The following CSRNP3 variants were observed in gnomAD, a reference collection of about 807,000 sequenced individuals.
The protein encoded by CSRNP3 is cysteine/serine-rich nuclear protein 3.
CSRNP3 carries 12 observed loss-of-function variants against 48.0 expected under a neutral mutation model. That is an observed-to-expected ratio of 0.25 (90% CI 0.16 to 0.41). The LOEUF (loss-of-function observed/expected upper bound fraction) is 0.41. Ranked by LOEUF, CSRNP3 falls within the 10% of genes least tolerant of loss-of-function variation. The pLI is 1.00. For missense variants in CSRNP3, 580 were observed against 724.4 expected, an observed-to-expected ratio of 0.80 and a Z score of 2.29; for synonymous variants, 263 against 269.7, an observed-to-expected ratio of 0.98 and a Z score of 0.24.
At chr2:165,521,173 C>A (rs1265253469) in intron 3 of CSRNP3, among the ~76,000 whole-genome samples, 40 of 135,594 alleles carry the variant, frequency 2.9e-4, no homozygotes, top group African/African-American at 3.5e-4. Flanking sequence ...ATGGGAAAGC[C>A]AAAAAAAAAA....
At chr2:165,534,738 A>G (rs1684860044) in intron 3 of CSRNP3, among the ~76,000 whole-genome samples, 1 of 151,822 alleles carries the variant, frequency 6.6e-6, no homozygotes, top group South Asian at 2.1e-4. Context: ...GTGAAAAAAG[A>G]AAGTGGTGAA....
intron 4 of CSRNP3, among the ~76,000 whole-genome samples, chr2:165,597,157 A>C (rs1252487720): frequency 6.6e-6 from 1 of 152,190 alleles, no homozygotes; most frequent in Admixed American, 6.5e-5. Flanking sequence ...AGGAAGACTT[A>C]ATTAGTGAAG....
intron 5 of CSRNP3, among the ~76,000 whole-genome samples, chr2:165,675,302 A>G (rs1024531631): frequency 6.6e-6 from 1 of 152,142 alleles, no homozygotes; most frequent in Non-Finnish European, 1.5e-5. Context: ...GAAGTGATAA[A>G]TTTAAATATG....
intron 3 of CSRNP3, among the ~76,000 whole-genome samples, chr2:165,586,422 A>T (rs1175723787): frequency 6.6e-6 from 1 of 152,246 alleles, no homozygotes; most frequent in African/African-American, 2.4e-5. Context: ...CAGATTAACA[A>T]AAAACAACAA....
chr2:165,609,465 GAAAAA>G (rs34249194), intron 4 of CSRNP3, among the ~76,000 whole-genome samples: 14,616 of 97,756 alleles, frequency 0.15, 732 homozygotes, highest in East Asian at 0.32. Flanking sequence ...TCTAAAAAAA[GAAAAA>G]AAAAAAAAAA....
In CSRNP3 at chr2:165,608,934, C is replaced by CAAA. The variant is rs33952227; in HGVS notation, c.148+13742_148+13744dup. Among the ~76,000 whole-genome samples the CAAA allele has an allele frequency of 3.1e-3, 238 of 75,576 alleles. 2 individuals are homozygous for CAAA. The highest frequency in any genetic ancestry group is 0.012 in the African/African-American group (221 of 17,902). 49.6% of individuals were successfully genotyped at this position (75,576 alleles called of 152,430 possible). On this transcript the variant is annotated intron_variant, in intron 4 of 6. Transcript: ENST00000651982. ...TGAAACCCCGTCTCTACTAAAAATACAAAAAAAAAAAAAAAAAAAAAAATT... is the reference window on the plus strand; with the variant it reads ...TGAAACCCCGTCTCTACTAAAAATACAAAAAAAAAAAAAAAAAAAAAAAAAATT...
In CSRNP3 at chr2:165,654,294, A is replaced by G. The variant is rs372531065; in HGVS notation, c.149-3467A>G. Among the ~76,000 whole-genome samples, 82 of 152,322 alleles carry G rather than the reference A, an allele frequency of 5.4e-4. 2 individuals carry two copies. In the South Asian group the frequency reaches 0.016, roughly 29 times the overall value. ...ACAAATTCTTCCTTGTTTTGAGATGATTTAAACATATGGTTATGAAATGGA... is the reference window on the plus strand; with the variant it reads ...ACAAATTCTTCCTTGTTTTGAGATGGTTTAAACATATGGTTATGAAATGGA... On this transcript the variant is annotated intron_variant, in intron 4 of 6. Coordinates refer to ENST00000651982, the MANE Select transcript of CSRNP3 (RefSeq NM_001172173.2).
At chr2:165,659,554 G>A (rs1687064007) in intron 5 of CSRNP3, among the ~76,000 whole-genome samples, 1 of 152,174 alleles carries the variant, frequency 6.6e-6, no homozygotes, top group African/African-American at 2.4e-5. Flanking sequence ...AGGTATCCAA[G>A]TGGAAAAACT....
chr2:165,580,598 A>G (rs961942438), intron 3 of CSRNP3, among the ~76,000 whole-genome samples: 2 of 152,120 alleles, frequency 1.3e-5, no homozygotes, highest in African/African-American at 4.8e-5. Context: ...TTTTATTCTG[A>G]TGTCTATTTT....
chr2:165,668,409 T>C (rs1273213196), intron 5 of CSRNP3, among the ~76,000 whole-genome samples: 2 of 144,250 alleles, frequency 1.4e-5, no homozygotes, highest in African/African-American at 5.1e-5. Context: ...TTCTTTTTTT[T>C]TTTTTTTTTT....
At position 165,602,257 on chromosome 2, in the gene CSRNP3, C is replaced by A. The variant is rs76585575; in HGVS notation, c.148+7044C>A. Among the ~76,000 whole-genome samples, 123 of 151,976 alleles carry A rather than the reference C, an allele frequency of 8.1e-4. No homozygotes were observed. The East Asian group carries it at 0.015, about 18-fold the overall frequency. On this transcript the variant is annotated intron_variant, in intron 4 of 6. Coordinates refer to ENST00000651982, the MANE Select transcript of CSRNP3 (RefSeq NM_001172173.2). Reference sequence around the variant, plus strand: ...TAATATGCTTATAAGAAACAGGATCCAAAATAGGCATCATAAGTTAGAGTC... The same window carrying A: ...TAATATGCTTATAAGAAACAGGATCAAAAATAGGCATCATAAGTTAGAGTC...
chr2:165,559,241 T>C (rs1039723670), intron 3 of CSRNP3, among the ~76,000 whole-genome samples: 2 of 152,208 alleles, frequency 1.3e-5, no homozygotes, highest in Non-Finnish European at 2.9e-5. Context: ...TTAATAAATC[T>C]CTCTGGTACT....
chr2:165,666,381 G>GAA (rs369986672), intron 5 of CSRNP3, among the ~76,000 whole-genome samples: 16,120 of 42,356 alleles, frequency 0.38, 4,869 homozygotes, highest in Non-Finnish European at 0.55. Flanking sequence ...GAGGAAGAAA[G>GAA]AGAGAGAGAG....
At chr2:165,482,444 T>C (rs1684060668) in intron 1 of CSRNP3, among the ~76,000 whole-genome samples, 1 of 152,058 alleles carries the variant, frequency 6.6e-6, no homozygotes, top group South Asian at 2.1e-4. Flanking sequence ...TTGTATTTTT[T>C]TGTAGAGACC....
chr2:165,544,462 A>G (rs548824983), intron 3 of CSRNP3, among the ~76,000 whole-genome samples: 2 of 152,170 alleles, frequency 1.3e-5, no homozygotes, highest in East Asian at 3.9e-4. Context: ...TGAGAAGAGG[A>G]TGACATGATC....
At chr2:165,543,051 C>T (rs768463735) in intron 3 of CSRNP3, among the ~76,000 whole-genome samples, 1 of 152,108 alleles carries the variant, frequency 6.6e-6, no homozygotes, top group African/African-American at 2.4e-5. Context: ...GCTGTGTCCT[C>T]TCCTGAGTAG....
intron 2 of CSRNP3, among the ~76,000 whole-genome samples, chr2:165,517,378 G>A (rs148529373): frequency 6.8e-6 from 1 of 148,032 alleles, no homozygotes; most frequent in Non-Finnish European, 1.5e-5. Context: ...AAATATTTGA[G>A]TTAATTTTAT....
At chr2:165,542,130 A>C (rs1033602320) in intron 3 of CSRNP3, among the ~76,000 whole-genome samples, 1 of 152,100 alleles carries the variant, frequency 6.6e-6, no homozygotes, top group Non-Finnish European at 1.5e-5. Context: ...CTTCATCCTC[A>C]CTTACCTAGC....
At chr2:165,583,646 A>G (rs1236749909) in intron 3 of CSRNP3, among the ~76,000 whole-genome samples, 1 of 152,224 alleles carries the variant, frequency 6.6e-6, no homozygotes, top group Non-Finnish European at 1.5e-5. Context: ...GGCACATAGT[A>G]GATCTATTTA....
Sources: allele counts gnomAD v4.1 joint callset (sites outside exome capture counted in the v4.1 genomes callset), GRCh38; gene constraint gnomAD v4.1.1; transcripts MANE v1.5; gene names NCBI Gene and HGNC (gene_info 2026-07-23, HGNC 2026-07-21).